Variants in RABGAP1L observed in about 807,000 individuals in gnomAD.
The protein encoded by RABGAP1L is rab GTPase-activating protein 1-like.
In RABGAP1L, 63 loss-of-function variants were observed where a neutral mutation model predicts 137.7. The observed-to-expected ratio is 0.46, with a 90% CI of 0.37 to 0.56. The LOEUF is 0.56. RABGAP1L is among the 20% of genes least tolerant of loss of function. RABGAP1L has a pLI of 0.00. For synonymous variants in RABGAP1L, 431 were observed against 433.7 expected, an observed-to-expected ratio of 0.99 and a Z score of 0.08; for missense variants, 1,095 against 1,244.0, an observed-to-expected ratio of 0.88 and a Z score of 1.80.
intron 13 of RABGAP1L, among the ~76,000 whole-genome samples, chr1:174,620,081 A>AGC (rs540693927): frequency 0.023 from 3,427 of 149,150 alleles, 62 homozygotes; most frequent in Middle Eastern, 0.087. Context: ...TTCAACAAGA[A>AGC]TAACTATCCT....
chr1:174,573,461 G>C (rs554450141), intron 13 of RABGAP1L, among the ~76,000 whole-genome samples: 156 of 152,174 alleles, frequency 1.0e-3, no homozygotes, highest in African/African-American at 3.4e-3. Flanking sequence ...TTATATAAGA[G>C]AAGGTCCTTG....
At chr1:174,801,913 T>A (rs1312804729) in intron 18 of RABGAP1L, among the ~76,000 whole-genome samples, 1 of 152,254 alleles carries the variant, frequency 6.6e-6, no homozygotes, top group Non-Finnish European at 1.5e-5. Context: ...AATATATTTC[T>A]GCATCCTAAA....
chr1:174,347,366 T>C (rs1682528580), intron 11 of RABGAP1L, among the ~76,000 whole-genome samples: 3 of 152,078 alleles, frequency 2.0e-5, no homozygotes, highest in South Asian at 2.1e-4. Context: ...AGTTCTAATA[T>C]TTGGTTTATA....
chr1:174,854,815 G>A (rs1649021218), intron 19 of RABGAP1L, among the ~76,000 whole-genome samples: 1 of 122,252 alleles, frequency 8.2e-6, no homozygotes, highest in Non-Finnish European at 1.6e-5. Context: ...TTGGCTCACT[G>A]TAACCTCTGC....
intron 13 of RABGAP1L, among the ~76,000 whole-genome samples, chr1:174,538,447 A>G (rs979208382): frequency 1.3e-5 from 2 of 152,132 alleles, no homozygotes; most frequent in Non-Finnish European, 2.9e-5. Flanking sequence ...TGTATCCTGT[A>G]TAGTTTGTGC....
chr1:174,215,205 C>T (rs773475383), intron 1 of RABGAP1L, among the ~76,000 whole-genome samples: 62 of 152,030 alleles, frequency 4.1e-4, no homozygotes, highest in Non-Finnish European at 8.1e-4. Flanking sequence ...GCCTGTAATC[C>T]CAGCACTTTG....
At chr1:174,282,441 T>G (rs1675659357) in intron 10 of RABGAP1L, among the ~76,000 whole-genome samples, 1 of 152,196 alleles carries the variant, frequency 6.6e-6, no homozygotes. Context: ...ATCTTCTTTA[T>G]AAAATGTCTA....
intron 13 of RABGAP1L, among the ~76,000 whole-genome samples, chr1:174,472,653 T>C (rs1415335288): frequency 1.3e-5 from 2 of 152,198 alleles, no homozygotes. Flanking sequence ...GAAAGTATGG[T>C]AAAGTGTTAT....
At chr1:174,213,696 A>G (rs1669074720) in intron 1 of RABGAP1L, among the ~76,000 whole-genome samples, 1 of 152,266 alleles carries the variant, frequency 6.6e-6, no homozygotes, top group Non-Finnish European at 1.5e-5. Flanking sequence ...TCGGTGTGAT[A>G]CATCATATCA....
At chr1:174,441,963 A>G (rs1331287629) in intron 13 of RABGAP1L, among the ~76,000 whole-genome samples, 1 of 152,028 alleles carries the variant, frequency 6.6e-6, no homozygotes, top group East Asian at 1.9e-4. Context: ...TCAATTATTT[A>G]TAGTATTTGT....
intron 14 of RABGAP1L, among the ~76,000 whole-genome samples, chr1:174,664,730 CTTTCTTTTTTTTTT>C (rs1676639461): frequency 1.0e-5 from 1 of 98,914 alleles, no homozygotes; most frequent in African/African-American, 6.4e-5. Flanking sequence ...TTTCTTTCTG[CTTTCTTTTTTTTTT>C]TTTTTTTTTT....
At chr1:174,960,684 A>G (rs1669011669) in intron 20 of RABGAP1L, among the ~76,000 whole-genome samples, 1 of 152,100 alleles carries the variant, frequency 6.6e-6, no homozygotes, top group African/African-American at 2.4e-5. Context: ...CATTTAGCCT[A>G]CCCTTTTCCT....
intron 13 of RABGAP1L, among the ~76,000 whole-genome samples, chr1:174,583,596 A>G (rs1326881536): frequency 1.3e-5 from 2 of 152,168 alleles, no homozygotes; most frequent in African/African-American, 4.8e-5. Flanking sequence ...GGAGACTAAA[A>G]GTTCCCATAG....
chr1:174,899,687 C>T (rs10912847), intron 19 of RABGAP1L, among the ~76,000 whole-genome samples: 2,260 of 152,038 alleles, frequency 0.015, 59 homozygotes, highest in African/African-American at 0.049. Flanking sequence ...TCTCATGAGG[C>T]GTATTTTAGT....
At chr1:174,680,297 G>T (rs1677961314) in intron 14 of RABGAP1L, among the ~76,000 whole-genome samples, 1 of 152,138 alleles carries the variant, frequency 6.6e-6, no homozygotes, top group African/African-American at 2.4e-5. Flanking sequence ...TGAGGGCGGA[G>T]CCCTCATGAA....
At chr1:174,957,720 T>A (rs1668693081) in intron 20 of RABGAP1L, 171 bp downstream of exon 20, 1 of 858,114 alleles carries the variant, frequency 1.2e-6, no homozygotes, top group Non-Finnish European at 1.8e-6. Context: ...CCCAGCAAAG[T>A]ACCTTTTTTT....
At chr1:174,269,666 AT>A (rs1273493130) in intron 7 of RABGAP1L, among the ~76,000 whole-genome samples, 1 of 152,186 alleles carries the variant, frequency 6.6e-6, no homozygotes, top group Non-Finnish European at 1.5e-5. Context: ...CAGGAGGTTG[AT>A]TTCAATTTTT....
chr1:174,516,120 T>TAAC (rs763907969), intron 13 of RABGAP1L, among the ~76,000 whole-genome samples: 1 of 133,234 alleles, frequency 7.5e-6, no homozygotes, highest in Non-Finnish European at 1.6e-5. Context: ...ACTGAAGCTC[T>TAAC]ACACACACAC....
Position 174,414,600 on chromosome 1 carries a change from G to A in RABGAP1L, c.1710+20455G>A, listed in dbSNP as rs1360114333. Among the ~76,000 whole-genome samples, 5 of 151,940 alleles carry A rather than the reference G, an allele frequency of 3.3e-5. No individual in the cohort carries two copies. In the East Asian group the frequency reaches 5.8e-4, roughly 18 times the overall value. On this transcript the variant is annotated intron_variant, in intron 13 of 25. Coordinates refer to ENST00000681986, the MANE Select transcript of RABGAP1L (RefSeq NM_001366446.1). Reference sequence around the variant, plus strand: ...AATGACTCTATGAATTAAACTTAGTGCTCCATGATTTTTTTTTAAAGGAGA... The same window carrying A: ...AATGACTCTATGAATTAAACTTAGTACTCCATGATTTTTTTTTAAAGGAGA...
Sources: gnomAD v4.1 joint callset for allele counts (sites outside exome capture counted in the v4.1 genomes callset) on GRCh38, gnomAD v4.1.1 for gene constraint, MANE v1.5 for transcripts, NCBI Gene and HGNC (gene_info 2026-07-23, HGNC 2026-07-21) for gene names.